RBM47: variants seen among roughly 807,000 people sequenced by gnomAD.
RBM47 encodes the protein RNA binding motif protein 47.
A neutral mutation model predicts 47.1 loss-of-function variants in RBM47; 21 were observed. That is an observed-to-expected ratio of 0.45 (90% confidence interval 0.32 to 0.64). The LOEUF is 0.64. RBM47 is among the 30% of genes least tolerant of loss of function. RBM47 has a pLI of 0.05. For missense variants in RBM47, 708 were observed against 870.9 expected, an observed-to-expected ratio of 0.81 and a Z score of 2.35; for synonymous variants, 375 against 361.7, an observed-to-expected ratio of 1.04 and a Z score of -0.42.
At chr4:40,537,185 C>T (rs1728070325) in intron 2 of RBM47, among the ~76,000 whole-genome samples, 2 of 151,194 alleles carry the variant, frequency 1.3e-5, no homozygotes, top group African/African-American at 4.9e-5. Flanking sequence ...AATCATGGCT[C>T]ACTGCAGCCT....
At chr4:40,547,793 A>T (rs901792436) in intron 1 of RBM47, among the ~76,000 whole-genome samples, 2 of 152,270 alleles carry the variant, frequency 1.3e-5, no homozygotes, top group Non-Finnish European at 2.9e-5. Flanking sequence ...CTATGGCTTG[A>T]TGATGCCCTT....
At chr4:40,535,505 G>A (rs1035597989) in intron 2 of RBM47, among the ~76,000 whole-genome samples, 22 of 151,022 alleles carry the variant, frequency 1.5e-4, no homozygotes, top group Non-Finnish European at 2.9e-4. Flanking sequence ...CTGAGTAGCC[G>A]GGATTACAGG....
chr4:40,620,377 C>T (rs922133217), intron 1 of RBM47, among the ~76,000 whole-genome samples: 10 of 148,978 alleles, frequency 6.7e-5, no homozygotes, highest in Non-Finnish European at 7.4e-5. Context: ...TGGTGGCAGG[C>T]GCCTGTAATC....
intron 2 of RBM47, among the ~76,000 whole-genome samples, chr4:40,494,166 G>A (rs964271461): frequency 2.0e-4 from 31 of 152,032 alleles, no homozygotes; most frequent in Non-Finnish European, 2.9e-4. Context: ...CAGATGACTC[G>A]AAAAGACAAA....
rs753691775 is a variant in RBM47 at position 40,460,794 on chromosome 4, AG to A, written c.-32+5782del. Among the ~76,000 whole-genome samples, 7 of 150,708 alleles carry A rather than the reference AG, an allele frequency of 4.6e-5. No individual in the cohort carries two copies. The East Asian group carries it at 1.4e-3, about 30-fold the overall frequency. ...TCCCAGCTACTCGGGACGCTGAGGC[AG>A]GACAATCTCTTGAACCCCAGAGGCA... On this transcript the variant is annotated intron_variant, in intron 3 of 6. Transcript: ENST00000295971.
At chr4:40,580,131 A>G (rs1199652258) in intron 1 of RBM47, among the ~76,000 whole-genome samples, 1 of 152,138 alleles carries the variant, frequency 6.6e-6, no homozygotes, top group Non-Finnish European at 1.5e-5. Flanking sequence ...TCTCACCAGT[A>G]AAAAATTTTC....
chr4:40,487,334 C>T (rs1976217), intron 2 of RBM47, among the ~76,000 whole-genome samples: 6,614 of 152,148 alleles, frequency 0.043, 200 homozygotes, highest in South Asian at 0.1. Context: ...CTCACTCGGT[C>T]GCCCAGGCTG....
chr4:40,555,200 G>A (rs926220078), intron 1 of RBM47, among the ~76,000 whole-genome samples: 2 of 152,206 alleles, frequency 1.3e-5, no homozygotes, highest in African/African-American at 2.4e-5. Context: ...GACTCCCAAA[G>A]GGATTACAGG....
intron 1 of RBM47, among the ~76,000 whole-genome samples, chr4:40,577,123 A>C (rs566424173): frequency 6.6e-6 from 1 of 152,268 alleles, no homozygotes; most frequent in Admixed American, 6.5e-5. Flanking sequence ...TAAAGAGGAA[A>C]CCCTGAGTGA....
intron 2 of RBM47, among the ~76,000 whole-genome samples, chr4:40,493,832 C>T (rs555207827): frequency 7.3e-5 from 11 of 150,934 alleles, no homozygotes; most frequent in African/African-American, 2.2e-4. Flanking sequence ...CCAGCTACTC[C>T]GGAGGTTGAG....
intron 5 of RBM47, among the ~76,000 whole-genome samples, chr4:40,434,192 C>T (rs878926590): frequency 1.3e-5 from 2 of 152,108 alleles, no homozygotes; most frequent in African/African-American, 2.4e-5. Flanking sequence ...TACAGCCATT[C>T]GATAAAATAT....
chr4:40,613,793 A>G, intron 1 of RBM47, among the ~76,000 whole-genome samples: 1 of 151,880 alleles, frequency 6.6e-6, no homozygotes. Flanking sequence ...CCATGTCTTA[A>G]AAAATAAAAC....
chr4:40,538,335 T>G (rs1454438819), intron 2 of RBM47, among the ~76,000 whole-genome samples: 3 of 149,882 alleles, frequency 2.0e-5, no homozygotes, highest in African/African-American at 7.4e-5. Flanking sequence ...ATTGTTTTTT[T>G]TTTTTTTTTT....
At chr4:40,434,868 G>C (rs1712076755) in intron 5 of RBM47, among the ~76,000 whole-genome samples, 1 of 152,142 alleles carries the variant, frequency 6.6e-6, no homozygotes, top group African/African-American at 2.4e-5. Context: ...ATCTCAACCA[G>C]AAGAAAATCA....
intron 2 of RBM47, among the ~76,000 whole-genome samples, chr4:40,473,883 T>TA (rs1719254947): frequency 6.6e-6 from 1 of 152,216 alleles, no homozygotes; most frequent in Non-Finnish European, 1.5e-5. Flanking sequence ...CTAACATTCT[T>TA]ACAGTGGAAA....
chr4:40,433,275 A>T (rs1201715571), intron 5 of RBM47, among the ~76,000 whole-genome samples: 1 of 151,976 alleles, frequency 6.6e-6, no homozygotes, highest in Non-Finnish European at 1.5e-5. Flanking sequence ...ATATTTTTTA[A>T]AACCACGTTT....
chr4:40,539,027 C>G (rs1728245526), intron 2 of RBM47, among the ~76,000 whole-genome samples: 1 of 152,162 alleles, frequency 6.6e-6, no homozygotes, highest in Non-Finnish European at 1.5e-5. Flanking sequence ...CCCTCACACA[C>G]TTGTTCCAGT....
At chr4:40,505,047 T>A (rs954848530) in intron 2 of RBM47, among the ~76,000 whole-genome samples, 16 of 152,184 alleles carry the variant, frequency 1.1e-4, no homozygotes, top group African/African-American at 3.9e-4. Context: ...GGCTATCAGT[T>A]AGGCACGGTG....
At chr4:40,630,748 C>G (rs1469304401), upstream of RBM47, 1 of 152,170 alleles carries the variant, frequency 6.6e-6, no homozygotes, top group Non-Finnish European at 1.5e-5. Context: ...CCCAGATGTC[C>G]GCAATCCGCG....
Sources: allele counts gnomAD v4.1 joint callset (sites outside exome capture counted in the v4.1 genomes callset), GRCh38; gene constraint gnomAD v4.1.1; transcripts MANE v1.5; gene names NCBI Gene and HGNC (gene_info 2026-07-23, HGNC 2026-07-21).